The following MCCC2 variants were observed in gnomAD, a reference collection of about 807,000 sequenced individuals.
MCCC2 encodes methylcrotonoyl-CoA carboxylase beta chain, mitochondrial.
MCCC2 carries 52 observed loss-of-function variants against 77.2 expected under a neutral mutation model. The observed-to-expected ratio is 0.67, with a 90% CI of 0.54 to 0.85. MCCC2 has a LOEUF of 0.85. MCCC2 is among the 40% of genes least tolerant of loss of function. The pLI, the probability that MCCC2 is intolerant of heterozygous loss-of-function variation, is 0.00. For missense variants in MCCC2, 682 were observed against 703.2 expected (o/e 0.97, Z 0.34); for synonymous variants, 253 against 248.4 (o/e 1.02, Z -0.18).
In MCCC2 at chr5:71,658,692, T is replaced by A. The variant is rs746790436; in HGVS notation, c.*1832T>A. 8.5e-5 allele frequency: 13 copies of A among 152,222 alleles called. No individual in the cohort carries two copies. Among genetic ancestry groups the A allele is most frequent in the Admixed American group, 3.3e-4 (5 of 15,284 alleles). The allele number at this position is 152,222 out of a possible 1,614,324, so 9.4% of individuals were successfully genotyped here. On this transcript the variant is annotated 3_prime_UTR_variant, in exon 17 of 17. Coordinates refer to ENST00000340941, the MANE Select transcript of MCCC2 (RefSeq NM_022132.5). ...ACTATCAAATGTTTTCCTAATAAAGTCAATATTTCAAACATTTGTGTGTGA... is the reference window on the plus strand; with the variant it reads ...ACTATCAAATGTTTTCCTAATAAAGACAATATTTCAAACATTTGTGTGTGA...
chr5:71,587,363 C>T lies in MCCC2; in HGVS notation c.-63C>T. 2.0e-6 allele frequency: 3 copies of T among 1,518,272 alleles called. No homozygotes were observed. The highest frequency in any genetic ancestry group is 1.2e-5 in the South Asian group (1 of 81,358). 94.1% of individuals were successfully genotyped at this position (1,518,272 alleles called of 1,614,324 possible). A position where few individuals can be genotyped will look rare whatever the true frequency, so the allele number is the denominator to read the frequency against. ...TCAGCTTCCGCCCCAGCCAGGGAAG[C>T]GGCAGGGGAAAGCACCGGCTCCAGG... On this transcript the variant is annotated 5_prime_UTR_variant, in exon 1 of 17. Transcript: ENST00000340941.
At chr5:71,634,812 T>A in intron 8 of MCCC2, 131 bp from the exon 9 acceptor site, 1 of 778,122 alleles carries the variant, frequency 1.3e-6, no homozygotes, top group Non-Finnish European at 2.1e-6. Flanking sequence ...TTATTAAAGA[T>A]GACAAATTTT....
intron 6 of MCCC2, among the ~76,000 whole-genome samples, chr5:71,624,854 C>T (rs1463961415): frequency 6.6e-6 from 1 of 151,856 alleles, no homozygotes; most frequent in African/African-American, 2.4e-5. Context: ...GCACCACACC[C>T]AATTAATTTT....
intron 6 of MCCC2, among the ~76,000 whole-genome samples, chr5:71,622,871 C>T (rs567590422): frequency 1.1e-4 from 17 of 152,264 alleles, no homozygotes; most frequent in Non-Finnish European, 1.8e-4. Flanking sequence ...CTTTGGGAGG[C>T]GGAGGCGGGC....
At chr5:71,594,086 A>G (rs1296212815) in intron 2 of MCCC2, among the ~76,000 whole-genome samples, 1 of 152,164 alleles carries the variant, frequency 6.6e-6, no homozygotes, top group East Asian at 1.9e-4. Context: ...ATACTTTTGA[A>G]GCCATTTTAG....
At chr5:71,606,381 G>A (rs1745677268) in intron 6 of MCCC2, among the ~76,000 whole-genome samples, 1 of 152,158 alleles carries the variant, frequency 6.6e-6, no homozygotes, top group African/African-American at 2.4e-5. Flanking sequence ...CTGTTTGTCT[G>A]TTGTTGGTAT....
At chr5:71,592,796 G>T (rs1745029628) in intron 1 of MCCC2, 130 bp from the exon 2 acceptor site, 1 of 736,568 alleles carries the variant, frequency 1.4e-6, no homozygotes, top group East Asian at 2.7e-5. Flanking sequence ...CACAGATGGG[G>T]TGGCCCAGTG....
At chr5:71,592,054 C>T (rs921430980) in intron 1 of MCCC2, among the ~76,000 whole-genome samples, 2 of 152,168 alleles carry the variant, frequency 1.3e-5, no homozygotes, top group African/African-American at 4.8e-5. Context: ...AGACATAAGC[C>T]ACCACACTCA....
At chr5:71,651,755 C>T (rs747305841) in intron 15 of MCCC2, among the ~76,000 whole-genome samples, 30 of 151,988 alleles carry the variant, frequency 2.0e-4, no homozygotes, top group Non-Finnish European at 3.5e-4. Flanking sequence ...TGCTTTTGTG[C>T]GAGTGGTTGG....
chr5:71,611,828 G>T (rs951648308), intron 6 of MCCC2, among the ~76,000 whole-genome samples: 5 of 136,240 alleles, frequency 3.7e-5, no homozygotes, highest in African/African-American at 1.4e-4. Flanking sequence ...TTGCTCTGTT[G>T]CCCAGGCTGG....
intron 12 of MCCC2, 84 bp from the exon 13 acceptor site, chr5:71,646,127 G>T: frequency 8.4e-7 from 1 of 1,195,140 alleles, no homozygotes; most frequent in East Asian, 2.4e-5. Flanking sequence ...CTTGTCTTTG[G>T]CTGAAGTTGT....
At chr5:71,647,411 T>G (rs150342981) in intron 13 of MCCC2, among the ~76,000 whole-genome samples, 1 of 152,220 alleles carries the variant, frequency 6.6e-6, no homozygotes, top group Non-Finnish European at 1.5e-5. Flanking sequence ...TGGTAACTTA[T>G]GTAAAAGGGC....
intron 15 of MCCC2, among the ~76,000 whole-genome samples, chr5:71,651,018 C>T (rs889238533): frequency 6.6e-6 from 1 of 151,610 alleles, no homozygotes; most frequent in African/African-American, 2.4e-5. Flanking sequence ...CTCCTGACCT[C>T]AAGTGATCTG....
In MCCC2 at chr5:71,596,313, C is replaced by G. The variant is rs1304896406; in HGVS notation, c.230C>G (p.Ser77Ter). ...GGEKARALHI[S>*]RGKLLPRERI... ...GAGAAAGCCCGAGCACTTCACATAT[C>G]AAGAGGAAAACTATTGCCCAGAGAA... Residue 77 changes from serine to a stop codon, truncating the protein, a stop_gained, in exon 3 of 17, where the codon TCA becomes TGA. Coordinates refer to ENST00000340941, the MANE Select transcript of MCCC2 (RefSeq NM_022132.5). LOFTEE classifies it high-confidence loss of function. The G allele has an allele frequency of 1.1e-5, 17 of 1,613,996 alleles. No individual in the cohort carries two copies. Among genetic ancestry groups the G allele is most frequent in the Non-Finnish European group, 1.1e-5 (13 of 1,180,032 alleles).
chr5:71,649,049 C>T (rs749571964), intron 13 of MCCC2, 48 bp from the exon 14 acceptor site: 6 of 1,604,526 alleles, frequency 3.7e-6, no homozygotes, highest in Non-Finnish European at 5.1e-6. Flanking sequence ...TTGCGTTCCG[C>T]ATATTAATCC....
At position 71,656,932 on chromosome 5, in the gene MCCC2, C is replaced by A; in HGVS notation, c.*72C>A. ...CATGTAGTAGCCTTAAAATTTTAGACTTCTCGAACATGAGGCTGTTACAGT... is the reference window on the plus strand; with the variant it reads ...CATGTAGTAGCCTTAAAATTTTAGAATTCTCGAACATGAGGCTGTTACAGT... On this transcript the variant is annotated 3_prime_UTR_variant, in exon 17 of 17. Coordinates refer to ENST00000340941, the MANE Select transcript of MCCC2 (RefSeq NM_022132.5). 1 of 1,161,920 alleles carries A rather than the reference C, an allele frequency of 8.6e-7. No individual in the cohort carries two copies. The highest frequency in any genetic ancestry group is 1.3e-6 in the Non-Finnish European group (1 of 770,552). 72.0% of individuals were successfully genotyped at this position (1,161,920 alleles called of 1,614,324 possible).
intron 2 of MCCC2, among the ~76,000 whole-genome samples, chr5:71,594,354 C>G (rs1036546652): frequency 1.3e-5 from 2 of 152,006 alleles, no homozygotes; most frequent in African/African-American, 4.8e-5. Context: ...CATGGTGAAA[C>G]CCTGTCTCTA....
intron 6 of MCCC2, among the ~76,000 whole-genome samples, chr5:71,612,120 A>G (rs1275927651): frequency 6.6e-6 from 1 of 152,068 alleles, no homozygotes; most frequent in Non-Finnish European, 1.5e-5. Context: ...TTTATTCCTT[A>G]AAAAAATGAT....
At chr5:71,622,270 T>TA (rs34090014) in intron 6 of MCCC2, among the ~76,000 whole-genome samples, 53,037 of 147,732 alleles carry the variant, frequency 0.36, 9,632 homozygotes, top group East Asian at 0.52. Flanking sequence ...CCATCTCTAC[T>TA]AAAAAAAAAA....
Sources: allele counts gnomAD v4.1 joint callset (sites outside exome capture counted in the v4.1 genomes callset), GRCh38; gene constraint gnomAD v4.1.1; transcripts MANE v1.5; gene names NCBI Gene and HGNC (gene_info 2026-07-23, HGNC 2026-07-21).